TENM1: variants seen among roughly 807,000 people sequenced by gnomAD.
TENM1 encodes teneurin-1.
Under a neutral mutation model 174.8 loss-of-function variants are expected in TENM1, and 35 were observed. That is an observed-to-expected ratio of 0.20 (90% CI 0.15 to 0.27). The LOEUF is 0.27. Among genes scored for constraint, TENM1 ranks in the 10% least tolerant of loss-of-function variants. The pLI is 1.00. For synonymous variants in TENM1, 781 were observed against 798.7 expected (o/e 0.98, Z 0.37); for missense variants, 1,633 against 2,130.1 (o/e 0.77, Z 4.59).
At chrX:124,668,763 T>C (rs771636600) in intron 6 of TENM1, among the ~76,000 whole-genome samples, 44 of 111,396 alleles carry the variant, frequency 3.9e-4, no homozygotes, top group African/African-American at 1.4e-3. Context: ...GACGAGTTAA[T>C]GGGTGCAGCA....
intron 3 of TENM1, among the ~76,000 whole-genome samples, chrX:124,762,493 T>G (rs2054443408): frequency 8.9e-6 from 1 of 112,175 alleles, no homozygotes; most frequent in Non-Finnish European, 1.9e-5. Flanking sequence ...ATAAATTGAT[T>G]AGCTAACATG....
At chrX:124,863,118 G>A (rs1451205545) in intron 3 of TENM1, among the ~76,000 whole-genome samples, 1 of 109,207 alleles carries the variant, frequency 9.2e-6, no homozygotes, top group East Asian at 2.9e-4. Flanking sequence ...CAAATAAACA[G>A]CAATGATACC....
chrX:124,692,904 A>G (rs1454688952), intron 5 of TENM1, among the ~76,000 whole-genome samples: 1 of 103,222 alleles, frequency 9.7e-6, no homozygotes, highest in African/African-American at 3.6e-5. Context: ...GTTACTCGGG[A>G]GGCTGAGGCA....
At chrX:124,582,582 G>A (rs1234057466) in intron 11 of TENM1, among the ~76,000 whole-genome samples, 2 of 111,898 alleles carry the variant, frequency 1.8e-5, no homozygotes, top group Middle Eastern at 9.2e-3. Flanking sequence ...GAACAGCTCC[G>A]GTCTACAGCT....
chrX:124,642,106 G>C lies in TENM1; in HGVS notation c.1877-115C>G, dbSNP rs2051033275. Reference sequence around the variant, plus strand: ...TGATTTCCTAGTTTATATCATCAATGCTGCTTTAATTAGGCAATAAAATGA... The same window carrying C: ...TGATTTCCTAGTTTATATCATCAATCCTGCTTTAATTAGGCAATAAAATGA... On this transcript the variant is annotated intron_variant, in intron 10 of 31. Transcript: ENST00000422452. The C allele has an allele frequency of 1.1e-5, 6 of 561,543 alleles. No individual in the cohort carries two copies. The Admixed American group carries it at 1.6e-4, about 15-fold the overall frequency. 46.3% of individuals were successfully genotyped at this position (561,543 alleles called of 1,213,427 possible).
At chrX:124,763,727 T>A (rs1300264451) in intron 3 of TENM1, among the ~76,000 whole-genome samples, 2 of 112,279 alleles carry the variant, frequency 1.8e-5, no homozygotes, top group Non-Finnish European at 1.9e-5. Context: ...TGTCAGTAGC[T>A]GAATCAGGTA....
intron 1 of TENM1, among the ~76,000 whole-genome samples, chrX:124,906,765 G>A (rs1274759948): frequency 1.8e-5 from 2 of 111,531 alleles, no homozygotes; most frequent in Admixed American, 9.6e-5. Flanking sequence ...ATAATATAAC[G>A]ACATAAACAA....
intron 11 of TENM1, among the ~76,000 whole-genome samples, chrX:124,603,128 C>T (rs1014755062): frequency 5.4e-5 from 6 of 110,701 alleles, no homozygotes; most frequent in Admixed American, 2.9e-4. Context: ...CCCAGAGTCT[C>T]CAGAGGGAGT....
intron 11 of TENM1, among the ~76,000 whole-genome samples, chrX:124,610,758 G>A (rs1228919096): frequency 9.0e-6 from 1 of 110,870 alleles, no homozygotes; most frequent in African/African-American, 3.3e-5. Flanking sequence ...GGTTATACTG[G>A]TTTGTAAACA....
the TENM1 span, among the ~76,000 whole-genome samples, chrX:125,004,505 G>T: frequency 1.8e-5 from 2 of 111,949 alleles, no homozygotes; most frequent in Admixed American, 1.9e-4. Context: ...ATGCTTCTTT[G>T]CAATCCCATA....
At chrX:124,999,469 T>C in the TENM1 span, among the ~76,000 whole-genome samples, 1 of 110,991 alleles carries the variant, frequency 9.0e-6, no homozygotes, top group South Asian at 3.8e-4. Flanking sequence ...CTGACGTGAT[T>C]AACTAATAAA....
At chrX:125,021,982 T>C in the TENM1 span, among the ~76,000 whole-genome samples, 3 of 112,370 alleles carry the variant, frequency 2.7e-5, no homozygotes, top group Admixed American at 1.9e-4. Flanking sequence ...ATGACAAATA[T>C]GGTACTAAAA....
At chrX:124,524,475 T>C (rs2047928236) in intron 16 of TENM1, among the ~76,000 whole-genome samples, 1 of 111,841 alleles carries the variant, frequency 8.9e-6, no homozygotes, top group Non-Finnish European at 1.9e-5. Context: ...AGAGGACAAT[T>C]GTTAGGGAAA....
At chrX:125,155,135 CCT>C in the TENM1 span, among the ~76,000 whole-genome samples, 2 of 111,040 alleles carry the variant, frequency 1.8e-5, no homozygotes, top group Non-Finnish European at 3.8e-5. Flanking sequence ...TAAATAAATC[CCT>C]GAGCTAGACA....
the TENM1 span, among the ~76,000 whole-genome samples, chrX:125,085,874 T>C: frequency 9.0e-6 from 1 of 111,303 alleles, no homozygotes; most frequent in Non-Finnish European, 1.9e-5. Context: ...AGCATCTTTT[T>C]CTTTTGTGAT....
intron 3 of TENM1, among the ~76,000 whole-genome samples, chrX:124,847,192 T>C (rs1289629541): frequency 9.0e-6 from 1 of 111,232 alleles, no homozygotes; most frequent in Non-Finnish European, 1.9e-5. Context: ...GAGTGGGCTG[T>C]GGTAATCAGC....
chrX:124,578,985 C>G (rs757224623), intron 11 of TENM1, among the ~76,000 whole-genome samples: 4 of 112,155 alleles, frequency 3.6e-5, no homozygotes, highest in Non-Finnish European at 7.5e-5. Flanking sequence ...TTATTTGTGT[C>G]CTTTAATTCT....
intron 18 of TENM1, among the ~76,000 whole-genome samples, chrX:124,518,793 A>C (rs2047776401): frequency 9.0e-6 from 1 of 111,728 alleles, no homozygotes. Flanking sequence ...AACCCGGGGA[A>C]GGAGTCTGGC....
intron 11 of TENM1, among the ~76,000 whole-genome samples, chrX:124,614,216 T>C (rs971704685): frequency 1.8e-5 from 2 of 111,510 alleles, no homozygotes; most frequent in Non-Finnish European, 3.8e-5. Flanking sequence ...AGGTCTCTAT[T>C]TGTATTTTTG....
Sources: allele counts gnomAD v4.1 joint callset (sites outside exome capture counted in the v4.1 genomes callset), GRCh38; gene constraint gnomAD v4.1.1; transcripts MANE v1.5; gene names NCBI Gene and HGNC (gene_info 2026-07-23, HGNC 2026-07-21).